The following RYR2 variants were observed in gnomAD, a reference collection of about 807,000 sequenced individuals.
RYR2 encodes ryanodine receptor 2, also known as cardiac muscle ryanodine receptor-calcium release channel.
A neutral mutation model predicts 601.1 loss-of-function variants in RYR2; 227 were observed. The observed-to-expected ratio is 0.38, with a 90% CI of 0.34 to 0.42. The LOEUF (loss-of-function observed/expected upper bound fraction) is 0.42. Ranked by LOEUF, RYR2 falls within the 10% of genes least tolerant of loss-of-function variation. RYR2 has a pLI of 1.00. For missense variants in RYR2, 4,646 were observed against 6,156.5 expected (o/e 0.75, Z 8.21); for synonymous variants, 2,223 against 2,175.1 (o/e 1.02, Z -0.61).
intron 61 of RYR2, among the ~76,000 whole-genome samples, chr1:237,679,376 G>A (rs1685661932): frequency 6.6e-6 from 1 of 152,122 alleles, no homozygotes; most frequent in Non-Finnish European, 1.5e-5. Context: ...TTCAAGCAAT[G>A]TCCCAATTGT....
Position 237,393,693 on chromosome 1 carries a change from T to C in RYR2, c.773+5510T>C, listed in dbSNP as rs139966915. Among the ~76,000 whole-genome samples the C allele has an allele frequency of 2.8e-3, 430 of 152,350 alleles. 3 individuals are homozygous for C. Among genetic ancestry groups the C allele is most frequent in the African/African-American group, 9.7e-3 (403 of 41,574 alleles). ...AGTTAGATGAGTTAGCTAAACAGTC[T>C]TGATGGAATAGTCAGTACATAAAGG... On this transcript the variant is annotated intron_variant, in intron 10 of 104. Transcript: ENST00000366574.
intron 2 of RYR2, among the ~76,000 whole-genome samples, chr1:237,281,380 T>A (rs16835092): frequency 1.3e-5 from 2 of 152,174 alleles, no homozygotes; most frequent in African/African-American, 2.4e-5. Context: ...TTTCCCATTA[T>A]GTTTCTCATA....
intron 1 of RYR2, among the ~76,000 whole-genome samples, chr1:237,221,400 G>A (rs1318668199): frequency 6.6e-6 from 1 of 152,148 alleles, no homozygotes; most frequent in Non-Finnish European, 1.5e-5. Context: ...ATTTTCTGAA[G>A]AAAGTCGTTT....
intron 17 of RYR2, among the ~76,000 whole-genome samples, chr1:237,485,428 A>G (rs920949809): frequency 1.2e-4 from 18 of 152,186 alleles, no homozygotes; most frequent in African/African-American, 4.3e-4. Context: ...TCGTTCTGTA[A>G]TGGGGGATTG....
chr1:237,626,580 CTTTTTTTTTTTTTTTTT>C (rs60885998), intron 40 of RYR2, among the ~76,000 whole-genome samples: 1 of 40,044 alleles, frequency 2.5e-5, no homozygotes, highest in Non-Finnish European at 4.5e-5. Context: ...TTTTCTTTTT[CTTTTTTTTTTTTTTTTT>C]TTTTTTTTTT....
Position 237,270,528 on chromosome 1 carries a change from C to G in RYR2, c.80C>G (p.Thr27Ser), listed in dbSNP as rs1399536009. 2.5e-6 allele frequency: 4 copies of G among 1,594,420 alleles called. No individual in the cohort carries two copies. The highest frequency in any genetic ancestry group is 3.4e-6 in the Non-Finnish European group (4 of 1,169,932). The change falls in exon 2 of 105, where the codon ACC (threonine) becomes AGC (serine). Residue 27 changes from threonine (T) to serine (S), a missense_variant. Physicochemically the swap from Thr to Ser is moderately conservative, Grantham distance 58. Around this residue, in one of 17 missense-constraint regions of RYR2, gnomAD observed 153 missense variants for 203.6 expected, o/e 0.75. Transcript: ENST00000366574. The part of the protein sequence containing the change: ...DDEVVLQCTA[T>S]IHKEQQKLCL... ...GAAGTGGTTCTGCAGTGCACCGCAA[C>G]CATCCACAAAGAACAACAGAAGCTA...
chr1:237,644,446 A>T (rs1411186296), intron 48 of RYR2, among the ~76,000 whole-genome samples: 1 of 151,854 alleles, frequency 6.6e-6, no homozygotes, highest in Non-Finnish European at 1.5e-5. Flanking sequence ...GTTAGCCAGG[A>T]TGGTCTCGAC....
chr1:237,480,932 C>T (rs2618685), intron 17 of RYR2, among the ~76,000 whole-genome samples: 1 of 151,364 alleles, frequency 6.6e-6, no homozygotes, highest in Non-Finnish European at 1.5e-5. Context: ...TAGTTTTAAC[C>T]TCTGTTGCTT....
In RYR2 at chr1:237,639,067, G is replaced by A. The variant is rs1198957149; in HGVS notation, c.6981G>A (p.Arg2327=). Residue 2327 remains arginine, a synonymous_variant, in exon 46 of 105, where the codon AGG becomes AGA. Transcript: ENST00000366574. ...ANVVVRLLIR[R]PECFGPALRG... is the part of the protein sequence containing the mutation. ...TCGTGGTGAGATTGCTCATTCGGAG[G>A]CCTGAGTGTTTTGGTCCTGCTTTGA... is the stretch of plus-strand genomic sequence containing the variant. 1.2e-6 allele frequency: 2 copies of A among 1,613,750 alleles called. No individual in the cohort carries two copies. Among genetic ancestry groups the A allele is most frequent in the East Asian group, 2.2e-5 (1 of 44,872 alleles).
chr1:237,246,139 G>A (rs540264089), intron 1 of RYR2, among the ~76,000 whole-genome samples: 22 of 146,496 alleles, frequency 1.5e-4, no homozygotes, highest in Admixed American at 8.2e-4. Flanking sequence ...TCTTTCGCCC[G>A]AGCTGGAGTG....
chr1:237,107,310 A>G (rs917180191), intron 1 of RYR2, among the ~76,000 whole-genome samples: 1 of 151,608 alleles, frequency 6.6e-6, no homozygotes, highest in Non-Finnish European at 1.5e-5. Context: ...TCACGAGGTC[A>G]GGAGATCGAG....
chr1:237,425,316 AC>A (rs1365775135), intron 12 of RYR2, among the ~76,000 whole-genome samples: 1 of 152,044 alleles, frequency 6.6e-6, no homozygotes, highest in African/African-American at 2.4e-5. Context: ...GATCACCAAC[AC>A]CCCTCCCCCA....
intron 35 of RYR2, among the ~76,000 whole-genome samples, chr1:237,608,796 GTTT>G (rs33945891): frequency 0.027 from 3,182 of 119,204 alleles, 56 homozygotes; most frequent in Non-Finnish European, 0.039. Context: ...AGACTGACCT[GTTT>G]TTTTTTTTTT....
At chr1:237,395,545 T>C (rs1432351995) in intron 10 of RYR2, among the ~76,000 whole-genome samples, 1 of 18,224 alleles carries the variant, frequency 5.5e-5, no homozygotes, top group Admixed American at 8.1e-4. Flanking sequence ...TTTTTTTTTT[T>C]TTTTTTTTTT....
chr1:237,061,276 CATCTATCTATCTATCT>C (rs55852744), intron 1 of RYR2, among the ~76,000 whole-genome samples: 14,678 of 96,874 alleles, frequency 0.15, 1,883 homozygotes, highest in East Asian at 0.4. Context: ...ATCCATCTAT[CATCTATCTATCTATCT>C]ATCTATCTAT....
At chr1:237,392,266 G>A (rs2149874129) in intron 10 of RYR2, among the ~76,000 whole-genome samples, 1 of 151,828 alleles carries the variant, frequency 6.6e-6, no homozygotes, top group Middle Eastern at 3.4e-3. Flanking sequence ...TGCACAACAG[G>A]GTAACTATAG....
chr1:237,372,652 A>C (rs1700730195), intron 6 of RYR2, among the ~76,000 whole-genome samples: 1 of 152,228 alleles, frequency 6.6e-6, no homozygotes, highest in South Asian at 2.1e-4. Flanking sequence ...AAAACACATG[A>C]ACTGCATGAG....
At chr1:237,792,641 G>A (rs1658598856) in intron 94 of RYR2, among the ~76,000 whole-genome samples, 1 of 152,086 alleles carries the variant, frequency 6.6e-6, no homozygotes, top group East Asian at 1.9e-4. Context: ...TTGGAGCCTG[G>A]CCTTTTTATG....
In RYR2 at chr1:237,651,963, G is replaced by A. The variant is rs113755738; in HGVS notation, c.7824+462G>A. ...GAGGCAGGAGAATGGCGTGAACCCG[G>A]GAGGTGGAGCTTGCAGTGAGCCGAG... On this transcript the variant is annotated intron_variant, in intron 51 of 104. Coordinates refer to ENST00000366574, the MANE Select transcript of RYR2 (RefSeq NM_001035.3). Among the ~76,000 whole-genome samples the A allele has an allele frequency of 3.9e-3, 589 of 152,204 alleles. 1 individual carries two copies. Among genetic ancestry groups the A allele is most frequent in the East Asian group, 0.021 (107 of 5,150 alleles).
Sources: allele counts gnomAD v4.1 joint callset (sites outside exome capture counted in the v4.1 genomes callset), GRCh38; gene constraint gnomAD v4.1.1; regional missense constraint gnomAD v4.1.1; transcripts MANE v1.5; gene names NCBI Gene and HGNC (gene_info 2026-07-23, HGNC 2026-07-21).